The following NARS2 variants were observed in gnomAD, a reference collection of about 807,000 sequenced individuals.
NARS2 encodes asparaginyl-tRNA synthetase 2, mitochondrial.
A neutral mutation model predicts 62.9 loss-of-function variants in NARS2; 60 were observed. That is an observed-to-expected ratio of 0.95 (90% CI 0.77 to 1.18). The LOEUF (loss-of-function observed/expected upper bound fraction) is 1.18. Ranked by LOEUF, NARS2 falls within the 50% of genes most tolerant of loss-of-function variation. The probability of loss-of-function intolerance (pLI) is 0.00; values close to 1 mark genes in which losing one functional copy is unlikely to be tolerated. For missense variants in NARS2, 619 were observed against 576.4 expected (o/e 1.07, Z -0.76); for synonymous variants, 196 against 200.0 (o/e 0.98, Z 0.17).
At chr11:78,444,921 G>A (rs954677093) in intron 11 of NARS2, among the ~76,000 whole-genome samples, 2 of 152,118 alleles carry the variant, frequency 1.3e-5, no homozygotes, top group African/African-American at 4.8e-5. Context: ...AATATGTTTT[G>A]ACTCAGCAAG....
chr11:78,544,116 C>G (rs961056487), intron 5 of NARS2, among the ~76,000 whole-genome samples: 5 of 151,500 alleles, frequency 3.3e-5, no homozygotes, highest in African/African-American at 4.9e-5. Flanking sequence ...ACTATCTGTC[C>G]ACCTAAAATA....
chr11:78,528,604 G>C (rs1861376976), intron 6 of NARS2, among the ~76,000 whole-genome samples: 1 of 152,012 alleles, frequency 6.6e-6, no homozygotes, highest in East Asian at 1.9e-4. Context: ...TTACATGTTT[G>C]GGATTCAAGC....
At chr11:78,456,750 T>C (rs1388712264) in intron 11 of NARS2, among the ~76,000 whole-genome samples, 1 of 152,212 alleles carries the variant, frequency 6.6e-6, no homozygotes, top group Non-Finnish European at 1.5e-5. Flanking sequence ...TACACGTGTG[T>C]AGAATAAAAG....
chr11:78,485,232 T>C (rs968425587), intron 7 of NARS2, among the ~76,000 whole-genome samples: 2 of 151,950 alleles, frequency 1.3e-5, no homozygotes, highest in African/African-American at 2.4e-5. Context: ...CTGGGGCCTA[T>C]TGGGGGATGG....
chr11:78,465,075 A>C (rs1270157394), intron 11 of NARS2, among the ~76,000 whole-genome samples: 4 of 152,156 alleles, frequency 2.6e-5, no homozygotes, highest in Non-Finnish European at 5.9e-5. Flanking sequence ...AGGGGTGGGG[A>C]GGCTCAGGCA....
At chr11:78,560,004 T>C (rs1856502903) in intron 4 of NARS2, among the ~76,000 whole-genome samples, 1 of 152,198 alleles carries the variant, frequency 6.6e-6, no homozygotes, top group Admixed American at 6.5e-5. Flanking sequence ...ATTTTGGTGG[T>C]GATTTAACAA....
At chr11:78,553,787 T>C (rs1049837961) in intron 5 of NARS2, among the ~76,000 whole-genome samples, 3 of 152,224 alleles carry the variant, frequency 2.0e-5, no homozygotes, top group African/African-American at 7.2e-5. Flanking sequence ...TTTGCTTTTG[T>C]TGTAATTGCT....
rs1489601521 is a variant in NARS2 at position 78,499,644 on chromosome 11, C to T, written c.690-6449G>A. ...TTTGAAAAGGACTAGAGCGGGTGAACTGCTCTAATTAGAACAAATTTTAAA... is the reference window on the plus strand; with the variant it reads ...TTTGAAAAGGACTAGAGCGGGTGAATTGCTCTAATTAGAACAAATTTTAAA... On this transcript the variant is annotated intron_variant, in intron 6 of 13. Transcript: ENST00000281038. 2.6e-5 allele frequency among the ~76,000 whole-genome samples: 4 copies of T among 152,292 alleles called. No homozygotes were observed. In the East Asian group the frequency reaches 7.7e-4, roughly 29 times the overall value.
At chr11:78,496,846 T>G (rs977798731) in intron 6 of NARS2, among the ~76,000 whole-genome samples, 1 of 152,216 alleles carries the variant, frequency 6.6e-6, no homozygotes, top group African/African-American at 2.4e-5. Context: ...ATCTCTACTG[T>G]CTTTTGCAAT....
rs190432195 is a variant in NARS2 at position 78,452,147 on chromosome 11, T to G, written c.1165-8389A>C. Among the ~76,000 whole-genome samples, 14 of 152,208 alleles carry G rather than the reference T, an allele frequency of 9.2e-5. No individual in the cohort carries two copies. In the East Asian group the frequency reaches 2.7e-3, roughly 29 times the overall value. ...TTTTTTGAGATGGAGTCTCACTCTG[T>G]TGCCAGGCTGGAGTGTAGTGGTGCG... On this transcript the variant is annotated intron_variant, in intron 11 of 13. Coordinates refer to ENST00000281038, the MANE Select transcript of NARS2 (RefSeq NM_024678.6).
chr11:78,449,793 A>C (rs147088149), intron 11 of NARS2, among the ~76,000 whole-genome samples: 9 of 152,318 alleles, frequency 5.9e-5, no homozygotes, highest in African/African-American at 2.2e-4. Flanking sequence ...TTGTTGTAAC[A>C]ACCAAAAACA....
intron 11 of NARS2, among the ~76,000 whole-genome samples, chr11:78,446,903 G>C (rs1431084742): frequency 6.6e-6 from 1 of 151,748 alleles, no homozygotes; most frequent in Non-Finnish European, 1.5e-5. Context: ...AAAGTGAAGA[G>C]ACAACTCAAA....
intron 5 of NARS2, among the ~76,000 whole-genome samples, chr11:78,544,483 T>C (rs138911270): frequency 3.9e-5 from 6 of 152,178 alleles, no homozygotes; most frequent in African/African-American, 1.2e-4. Context: ...AATACTTTCA[T>C]GCGGAACTCT....
At chr11:78,563,918 T>C (rs12808344) in intron 4 of NARS2, among the ~76,000 whole-genome samples, 63,129 of 123,016 alleles carry the variant, frequency 0.51, 18,884 homozygotes, top group Non-Finnish European at 0.67. Context: ...ATTATTATTA[T>C]TGAGATGGAA....
intron 6 of NARS2, among the ~76,000 whole-genome samples, chr11:78,526,223 G>A (rs1361071390): frequency 2.0e-5 from 3 of 152,036 alleles, no homozygotes; most frequent in South Asian, 2.1e-4. Flanking sequence ...ACAAAACTAT[G>A]CATTATCTTT....
intron 11 of NARS2, among the ~76,000 whole-genome samples, chr11:78,450,741 C>A (rs1450792411): frequency 7.3e-6 from 1 of 137,208 alleles, no homozygotes; most frequent in African/African-American, 2.8e-5. Context: ...GTGGTGTGAT[C>A]TCAGCTCACT....
intron 6 of NARS2, among the ~76,000 whole-genome samples, chr11:78,518,019 AACTCCCATT>A (rs1860976073): frequency 6.6e-6 from 1 of 152,236 alleles, no homozygotes; most frequent in Admixed American, 6.5e-5. Context: ...ACATAGACTT[AACTCCCATT>A]GTGGGCTCAA....
At chr11:78,490,373 T>C (rs1306453964) in intron 7 of NARS2, among the ~76,000 whole-genome samples, 1 of 152,210 alleles carries the variant, frequency 6.6e-6, no homozygotes, top group African/African-American at 2.4e-5. Flanking sequence ...GCAAAGGTAG[T>C]ACAAGGCAAT....
At chr11:78,540,235 C>T (rs1590834755) in intron 5 of NARS2, among the ~76,000 whole-genome samples, 1 of 152,182 alleles carries the variant, frequency 6.6e-6, no homozygotes, top group East Asian at 1.9e-4. Flanking sequence ...TTTCTTACCA[C>T]ACGGATCTAA....
Sources: gnomAD v4.1 joint callset for allele counts (sites outside exome capture counted in the v4.1 genomes callset) on GRCh38, gnomAD v4.1.1 for gene constraint, MANE v1.5 for transcripts, NCBI Gene and HGNC (gene_info 2026-07-23, HGNC 2026-07-21) for gene names.